IL15RA: variants seen among roughly 807,000 people sequenced by gnomAD.
The protein encoded by IL15RA is interleukin 15 receptor subunit alpha.
A neutral mutation model predicts 24.2 loss-of-function variants in IL15RA; 26 were observed. The ratio of observed to expected loss-of-function variants is 1.07; its 90% CI spans 0.79 to 1.49. The LOEUF (loss-of-function observed/expected upper bound fraction) is 1.49, where lower values mean the gene tolerates loss of function less well. IL15RA is among the 40% of genes most tolerant of loss of function. The pLI, the probability that IL15RA is intolerant of heterozygous loss-of-function variation, is 0.00. For missense variants in IL15RA, 354 were observed against 356.4 expected (o/e 0.99, Z 0.05); for synonymous variants, 166 against 157.6 (o/e 1.05, Z -0.40).
intron 1 of IL15RA, among the ~76,000 whole-genome samples, chr10:5,972,700 ATCT>A (rs750455474): frequency 3.3e-5 from 5 of 152,208 alleles, no homozygotes; most frequent in Admixed American, 6.5e-5. Flanking sequence ...CTACTTCTTG[ATCT>A]TCTTCTAGTA....
rs1589256750 is a variant in IL15RA at position 5,973,616 on chromosome 10, C to CA, written c.88+3788dup. On this transcript the variant is annotated intron_variant, in intron 1 of 6. Transcript: ENST00000379977. The surrounding 1 kb of genome is among the most constrained non-coding windows in gnomAD (Gnocchi z 4.5). ...TTGGATATGCATATATAGAAACAAA[C>CA]AAAATCCCAAAACAACCTTTAATTC... Among the ~76,000 whole-genome samples the CA allele has an allele frequency of 6.6e-6, 1 of 152,084 alleles. No individual in the cohort carries two copies. Among genetic ancestry groups the CA allele is most frequent in the East Asian group, 1.9e-4 (1 of 5,192 alleles).
At chr10:5,956,322 G>A (rs3136627) in intron 6 of IL15RA, 57 bp downstream of exon 6, 665,698 of 1,415,342 alleles carry the variant, frequency 0.47, 159,105 homozygotes, top group African/African-American at 0.58. Flanking sequence ...GCCAGGTGCA[G>A]CTCTTTTCTC....
intron 1 of IL15RA, among the ~76,000 whole-genome samples, chr10:5,972,240 T>A (rs3736863): frequency 0.71 from 108,760 of 152,164 alleles, 39,663 homozygotes; most frequent in Middle Eastern, 0.78. Flanking sequence ...AAGGGAATCA[T>A]GCCTTTCCAA....
rs1159149440 is a variant in IL15RA, at chr10:5,966,318, A to G, written c.110T>C (p.Met37Thr). ...ATRGITCPPP[M>T]SVEHADIWVK... Reference sequence around the variant, plus strand: ...CCAGATGTCTGCGTGTTCCACGGACATGGGGGGAGGGCACGTGATGCCTGC... The same window carrying G: ...CCAGATGTCTGCGTGTTCCACGGACGTGGGGGGAGGGCACGTGATGCCTGC... The change falls in exon 2 of 7, where the codon ATG (methionine) becomes ACG (threonine). Residue 37 changes from methionine to threonine, a missense_variant. By Grantham distance (81) the Met-to-Thr change is moderately conservative. Transcript: ENST00000379977. This position sits in a 1 kb window ranked among gnomAD's most constrained non-coding sequence, Gnocchi z 6.4. The G allele has an allele frequency of 2.5e-6, 4 of 1,609,298 alleles. No individual in the cohort carries two copies. The highest frequency in any genetic ancestry group is 3.3e-5 in the Admixed American group (2 of 59,932).
downstream of IL15RA, among the ~76,000 whole-genome samples, chr10:5,952,125 G>T (rs941374986): frequency 3.3e-5 from 5 of 152,216 alleles, no homozygotes; most frequent in African/African-American, 1.2e-4. Flanking sequence ...AAGAGAAGAA[G>T]AAGGGAAGAG....
intron 1 of IL15RA, among the ~76,000 whole-genome samples, chr10:5,972,404 C>T (rs771621265): frequency 2.6e-5 from 4 of 152,148 alleles, no homozygotes; most frequent in Admixed American, 2.6e-4. Flanking sequence ...GACAGAGTCT[C>T]GCTTTGTCGC....
rs970977692 is a variant in IL15RA, at chr10:5,959,922, T to C, written c.584-136A>G. Reference sequence around the variant, plus strand: ...TCGTGGCTGGCGTAACCAGACTCATTTTAGCAAAGAACAAGCAGGGTAGCT... The same window carrying C: ...TCGTGGCTGGCGTAACCAGACTCATCTTAGCAAAGAACAAGCAGGGTAGCT... On this transcript the variant is annotated intron_variant, in intron 4 of 6. Coordinates refer to ENST00000379977, the MANE Select transcript of IL15RA (RefSeq NM_002189.4). This position sits in a 1 kb window ranked among gnomAD's most constrained non-coding sequence, Gnocchi z 4.1. 2.6e-6 allele frequency: 2 copies of C among 762,450 alleles called. No individual in the cohort carries two copies. Among genetic ancestry groups the C allele is most frequent in the Non-Finnish European group, 4.5e-6 (2 of 445,012 alleles). The allele number at this position is 762,450 out of a possible 1,614,324, so 47.2% of individuals were successfully genotyped here.
chr10:5,954,167 T>A (rs925252338), intron 6 of IL15RA, among the ~76,000 whole-genome samples: 2 of 129,690 alleles, frequency 1.5e-5, no homozygotes, highest in Non-Finnish European at 3.2e-5. Flanking sequence ...TACCAATTCT[T>A]CTTTTTTTTT....
At chr10:5,972,444 G>A (rs754472167) in intron 1 of IL15RA, among the ~76,000 whole-genome samples, 5 of 152,204 alleles carry the variant, frequency 3.3e-5, no homozygotes, top group Non-Finnish European at 4.4e-5. Flanking sequence ...ACAAGTGTTT[G>A]TGAGTTGGAC....
chr10:5,962,422 T>A lies in IL15RA; in HGVS notation c.382+1321A>T, dbSNP rs999453450. Among the ~76,000 whole-genome samples the A allele has an allele frequency of 6.6e-6, 1 of 151,958 alleles. No homozygotes were observed. Among genetic ancestry groups the A allele is most frequent in the African/African-American group, 2.4e-5 (1 of 41,358 alleles). Reference sequence around the variant, plus strand: ...GACTGACCAACATGGTGAAACCCTGTCTCTACTAAAAATACAGAAATTAGC... The same window carrying A: ...GACTGACCAACATGGTGAAACCCTGACTCTACTAAAAATACAGAAATTAGC... On this transcript the variant is annotated intron_variant, in intron 3 of 6. Transcript: ENST00000379977. This position sits in a 1 kb window ranked among gnomAD's most constrained non-coding sequence, Gnocchi z 5.2.
rs1341236407 is a variant in IL15RA at position 5,975,605 on chromosome 10, G to A, written c.88+1800C>T. On this transcript the variant is annotated intron_variant, in intron 1 of 6. Coordinates refer to ENST00000379977, the MANE Select transcript of IL15RA (RefSeq NM_002189.4). This position sits in a 1 kb window ranked among gnomAD's most constrained non-coding sequence, Gnocchi z 4.8. ...GGCTGTTAAAGGGAAAAAAAACAAC[G>A]GCTGGGCAAGCTGGCTCACGCCTGT... is the stretch of plus-strand genomic sequence containing the variant. Among the ~76,000 whole-genome samples the A allele has an allele frequency of 1.3e-5, 2 of 151,928 alleles. No individual in the cohort carries two copies. The highest frequency in any genetic ancestry group is 6.6e-5 in the Admixed American group (1 of 15,264).
At chr10:5,956,496 T>G in intron 5 of IL15RA, 42 bp from the exon 6 acceptor site, 1 of 1,448,504 alleles carries the variant, frequency 6.9e-7, no homozygotes, top group Non-Finnish European at 9.7e-7. Context: ...AGAAGCACAT[T>G]CATTGCTACG....
chr10:5,970,736 A>ATTATT lies in IL15RA; in HGVS notation c.89-4402_89-4398dup, dbSNP rs55906065. Among the ~76,000 whole-genome samples the ATTATT allele has an allele frequency of 0.031, 4,402 of 143,626 alleles. 91 individuals are homozygous for ATTATT. Among genetic ancestry groups the ATTATT allele is most frequent in the Non-Finnish European group, 0.041 (2,728 of 65,974 alleles). 94.2% of individuals were successfully genotyped at this position (143,626 alleles called of 152,430 possible). A position where few individuals can be genotyped will look rare whatever the true frequency, so the allele number is the denominator to read the frequency against. On this transcript the variant is annotated intron_variant, in intron 1 of 6. Transcript: ENST00000379977. This position sits in a 1 kb window ranked among gnomAD's most constrained non-coding sequence, Gnocchi z 4.1. ...TAAAATGATTTTATTTTATTTCATT[A>ATTATT]TTATTTTATTTTATTTTATTTTATT...
rs572954217 is a variant in IL15RA, at chr10:5,960,221, C to T, written c.583+146G>A. 111 of 771,998 alleles carry T rather than the reference C, an allele frequency of 1.4e-4. No homozygotes were observed. In the African/African-American group the frequency reaches 1.5e-3, roughly 10 times the overall value. 47.8% of individuals were successfully genotyped at this position (771,998 alleles called of 1,614,324 possible). ...GGAGAAAGAGGTCAGGCCAGGACGC[C>T]GTGGCTGGTGGCCGGGGCCAGCAGG... On this transcript the variant is annotated intron_variant, in intron 4 of 6. Transcript: ENST00000379977. The surrounding 1 kb of genome is among the most constrained non-coding windows in gnomAD (Gnocchi z 5.1).
chr10:5,963,629 T>A lies in IL15RA; in HGVS notation c.382+114A>T. 3.7e-6 allele frequency: 2 copies of A among 547,816 alleles called. No individual in the cohort carries two copies. The highest frequency in any genetic ancestry group is 6.3e-6 in the Non-Finnish European group (2 of 317,126). 33.9% of individuals were successfully genotyped at this position (547,816 alleles called of 1,614,324 possible). On this transcript the variant is annotated intron_variant, in intron 3 of 6. Coordinates refer to ENST00000379977, the MANE Select transcript of IL15RA (RefSeq NM_002189.4). The surrounding 1 kb of genome is among the most constrained non-coding windows in gnomAD (Gnocchi z 5.3). ...TGATTGAATAAGACGTTTGCGCTAT[T>A]GCCTAAGTCTGCAGTGGCACACCAC...
chr10:5,956,576 A>G, intron 5 of IL15RA, 122 bp from the exon 6 acceptor site: 1 of 719,898 alleles, frequency 1.4e-6, no homozygotes, highest in Non-Finnish European at 2.5e-6. Flanking sequence ...CCTCCTGCTA[A>G]GGACATTTCT....
intron 1 of IL15RA, chr10:5,977,007 A>C: frequency 5.9e-6 from 1 of 169,120 alleles, no homozygotes; most frequent in Non-Finnish European, 1.3e-5. Flanking sequence ...ACCGCGTGCT[A>C]TGCAACACCC....
chr10:5,956,282 T>A, intron 6 of IL15RA, 97 bp downstream of exon 6: 1 of 951,120 alleles, frequency 1.1e-6, no homozygotes, highest in South Asian at 1.4e-5. Flanking sequence ...CCCAAAGTGC[T>A]GGAATTCCAG....
In IL15RA at chr10:5,963,322, C is replaced by T. The variant is rs145798289; in HGVS notation, c.382+421G>A. Among the ~76,000 whole-genome samples, 325 of 152,284 alleles carry T rather than the reference C, an allele frequency of 2.1e-3. 3 individuals carry two copies. The highest frequency in any genetic ancestry group is 0.017 in the Middle Eastern group (5 of 294). ...TGTGCTGCCCCTGCTGGCTAGGGGA[C>T]GAGGGAATTGATGTAAACATGCTGA... On this transcript the variant is annotated intron_variant, in intron 3 of 6. Transcript: ENST00000379977. This position sits in a 1 kb window ranked among gnomAD's most constrained non-coding sequence, Gnocchi z 5.3.
Sources: gnomAD v4.1 joint callset for allele counts (sites outside exome capture counted in the v4.1 genomes callset) on GRCh38, gnomAD v4.1.1 for gene constraint, Gnocchi (gnomAD v3.1) non-coding constraint, MANE v1.5 for transcripts, NCBI Gene and HGNC (gene_info 2026-07-23, HGNC 2026-07-21) for gene names.